IDUA: variants seen among roughly 807,000 people sequenced by gnomAD.
IDUA encodes the protein alpha-L-iduronidase.
A neutral mutation model predicts 68.9 loss-of-function variants in IDUA; 65 were observed. That is an observed-to-expected ratio of 0.94 (90% confidence interval 0.77 to 1.16). The LOEUF is 1.16. IDUA is among the 50% of genes most tolerant of loss of function. IDUA has a pLI of 0.00. For synonymous variants in IDUA, 529 were observed against 433.6 expected (o/e 1.22, Z -2.73); for missense variants, 1,046 against 938.0 (o/e 1.12, Z -1.50).
chr4:992,210 T>C (rs1435653445), intron 2 of IDUA: 1 of 458,568 alleles, frequency 2.2e-6, no homozygotes, highest in Non-Finnish European at 4.4e-6. Context: ...CTGCTCCGTG[T>C]CCACCTCCCT....
At chr4:989,127 G>A (rs770627001) in intron 2 of IDUA, 63 of 1,606,686 alleles carry the variant, frequency 3.9e-5, no homozygotes, top group Non-Finnish European at 2.2e-5. Flanking sequence ...CGGCCGCTGC[G>A]GGCACCAGCG....
rs794726878 is a variant in IDUA at position 987,137 on chromosome 4, T to C, written c.53T>C (p.Leu18Pro). 4 of 1,423,444 alleles carry C rather than the reference T, an allele frequency of 2.8e-6. No homozygotes were observed. The highest frequency in any genetic ancestry group is 2.8e-5 in the Admixed American group (1 of 35,980). 88.2% of individuals were successfully genotyped at this position (1,423,444 alleles called of 1,614,324 possible). A position where few individuals can be genotyped will look rare whatever the true frequency, so the allele number is the denominator to read the frequency against. Residue 18 changes from leucine (L) to proline (P), a missense_variant, in exon 1 of 14, where the codon CTG (leucine) becomes CCG (proline). By Grantham distance (98) the Leu-to-Pro change is moderately conservative (BLOSUM62 -3). Transcript: ENST00000514224. ...CTGCTGGCGCTCCTGGCCTCGCTCCTGGCCGCGCCCCCGGTGGCCCCGGCC... is the reference window on the plus strand; with the variant it reads ...CTGCTGGCGCTCCTGGCCTCGCTCCCGGCCGCGCCCCCGGTGGCCCCGGCC... Reference protein sequence around the residue: ...AALLALLASLLAAPPVAPAEA... With the variant: ...AALLALLASLPAAPPVAPAEA...
chr4:991,322 G>A (rs1714297112), intron 2 of IDUA: 1 of 1,612,754 alleles, frequency 6.2e-7, no homozygotes, highest in Admixed American at 1.7e-5. Context: ...AGGCAAAGCA[G>A]GCTGAAGATG....
Position 1,002,092 on chromosome 4 carries a change from C to T in IDUA, c.903C>T (p.Asp301=), listed in dbSNP as rs759390416. 14 of 1,578,008 alleles carry T rather than the reference C, an allele frequency of 8.9e-6. No individual in the cohort carries two copies. In the East Asian group the frequency reaches 3.2e-4, roughly 36 times the overall value. The change falls in exon 7 of 14, where the codon GAC becomes GAT. Residue 301 remains aspartate (D), a synonymous_variant. Coordinates refer to ENST00000514224, the MANE Select transcript of IDUA (RefSeq NM_000203.5). ...CCCCCATTTACAACGACGAGGCGGA[C>T]CCGCTGGTGGGCTGGTCCCTGCCAC... ...ADTPIYNDEA[D]PLVGWSLPQP...
chr4:1,002,430 C>G lies in IDUA; in HGVS notation c.1134C>G (p.His378Gln). 6.4e-7 allele frequency: 1 copy of G among 1,570,072 alleles called. No homozygotes were observed. Among genetic ancestry groups the G allele is most frequent in the Non-Finnish European group, 8.6e-7 (1 of 1,159,994 alleles). ...RFQVNNTRPPHVQLLRKPVLT... is the reference protein window; with the variant it reads ...RFQVNNTRPPQVQLLRKPVLT... ...AGGTCAACAACACCCGCCCGCCGCA[C>G]GTGCAGCTGTTGCGCAAGCCGGTGC... The change falls in exon 8 of 14, where the codon CAC becomes CAG. Residue 378 changes from histidine to glutamine, a missense_variant. By Grantham distance (24) the His-to-Gln change is conservative. Coordinates refer to ENST00000514224, the MANE Select transcript of IDUA (RefSeq NM_000203.5).
At position 1,002,715 on chromosome 4, in the gene IDUA, C is replaced by T. The variant is rs994233174; in HGVS notation, c.1190-17C>T. 99 of 1,387,494 alleles carry T rather than the reference C, an allele frequency of 7.1e-5. 1 individual carries two copies. Among genetic ancestry groups the T allele is most frequent in the Non-Finnish European group, 9.1e-5 (95 of 1,041,662 alleles). The allele number at this position is 1,387,494 out of a possible 1,614,324, so 85.9% of individuals were successfully genotyped here. A position where few individuals can be genotyped will look rare whatever the true frequency, so the allele number is the denominator to read the frequency against. On this transcript the variant is annotated splice_polypyrimidine_tract_variant and intron_variant, in intron 8 of 13. Coordinates refer to ENST00000514224, the MANE Select transcript of IDUA (RefSeq NM_000203.5). ...GGCAACGACCCCACGCGGCGACGGC[C>T]CCCCCCCGCCCCGCAGATGAGGAGC... is the stretch of plus-strand genomic sequence containing the variant.
At chr4:989,479 T>C in intron 2 of IDUA, 1 of 1,554,546 alleles carries the variant, frequency 6.4e-7, no homozygotes, top group Non-Finnish European at 8.7e-7. Flanking sequence ...CAGCCCGGCC[T>C]CTGTGCTGAC....
intron 2 of IDUA, among the ~76,000 whole-genome samples, chr4:994,052 G>A (rs1056744318): frequency 6.6e-6 from 1 of 152,258 alleles, no homozygotes; most frequent in Non-Finnish European, 1.5e-5. Flanking sequence ...AGGACCGGCA[G>A]TGCCTGCCTC....
At chr4:989,214 C>A in intron 2 of IDUA, 1 of 1,610,126 alleles carries the variant, frequency 6.2e-7, no homozygotes, top group Non-Finnish European at 8.5e-7. Context: ...CTGAGCCCCC[C>A]TCCTTCCTCC....
chr4:1,001,275 TATCACCCAGGCCGCC>T (rs1715056974), intron 4 of IDUA, 178 bp from the exon 5 acceptor site: 7 of 592,678 alleles, frequency 1.2e-5, no homozygotes, highest in East Asian at 2.8e-5. Flanking sequence ...GCCGCACCCC[TATCACCCAGGCCGCC>T]GCCCAGGTCT....
At position 1,003,011 on chromosome 4, in the gene IDUA, G is replaced by C. The variant is rs760698377; in HGVS notation, c.1403-25G>C. On this transcript the variant is annotated intron_variant, in intron 9 of 13. Transcript: ENST00000514224. The stretch of plus-strand genomic sequence containing the variant: ...TCTGGAGGGGGCGGCCCGGGGAGCC[G>C]AGGCCTGAGTGTCAGGCCCCGCAGG... 2.8e-6 allele frequency: 4 copies of C among 1,453,122 alleles called. No homozygotes were observed. In the South Asian group the frequency reaches 5.5e-5, roughly 20 times the overall value. The allele number at this position is 1,453,122 out of a possible 1,614,324, so 90.0% of individuals were successfully genotyped here.
Position 1,003,552 on chromosome 4 carries a change from A to C in IDUA, c.1654A>C (p.Thr552Pro). 4 of 1,611,592 alleles carry C rather than the reference A, an allele frequency of 2.5e-6. No individual in the cohort carries two copies. The highest frequency in any genetic ancestry group is 1.1e-5 in the South Asian group (1 of 91,048). Residue 552 changes from threonine (T) to proline (P), a missense_variant, in exon 12 of 14, where the codon ACG becomes CCG. By Grantham distance (38) the Thr-to-Pro change is conservative (BLOSUM62 -1). Transcript: ENST00000514224. The stretch of plus-strand genomic sequence containing the variant: ...TCACAGCCCTTCCCTCCCCCAGGTC[A>C]CGCGGCTCCGCGCCCTGCCCCTGAC... The part of the protein sequence containing the change: ...ARPEKPPGQV[T>P]RLRALPLTQG...
Position 1,003,890 on chromosome 4 carries a change from G to A in IDUA, c.1728-122G>A, listed in dbSNP as rs975329090. 1.1e-4 allele frequency: 97 copies of A among 910,528 alleles called. No individual in the cohort carries two copies. The Admixed American group carries it at 1.6e-3, about 15-fold the overall frequency. The allele number at this position is 910,528 out of a possible 1,614,324, so 56.4% of individuals were successfully genotyped here. On this transcript the variant is annotated intron_variant, in intron 12 of 13. Transcript: ENST00000514224. ...TGGGCAGGAAGAGTGCCCAGGGGCT[G>A]GGGAGGTGCCGCCGAGGGGCTTGAG...
intron 2 of IDUA, among the ~76,000 whole-genome samples, chr4:999,067 T>A (rs548848665): frequency 5.9e-5 from 9 of 151,750 alleles, no homozygotes; most frequent in Non-Finnish European, 8.8e-5. Flanking sequence ...TAGCCGGGCG[T>A]GGTGGCGGGC....
At position 1,002,414 on chromosome 4, in the gene IDUA, A is replaced by C. The variant is rs140564189; in HGVS notation, c.1118A>C (p.Asn373Thr). 1.1e-4 allele frequency: 177 copies of C among 1,575,720 alleles called. 2 individuals carry two copies. In the African/African-American group the frequency reaches 2.1e-3, roughly 19 times the overall value. The change falls in exon 8 of 14, where the codon AAC becomes ACC. Residue 373 changes from asparagine (N) to threonine (T), a missense_variant. By Grantham distance (65) the Asn-to-Thr change is moderately conservative (BLOSUM62 0). Transcript: ENST00000514224. ...CTCACCGCGCGCTTCCAGGTCAACA[A>C]CACCCGCCCGCCGCACGTGCAGCTG... ...RTLTARFQVNNTRPPHVQLLR... is the reference protein window; with the variant it reads ...RTLTARFQVNTTRPPHVQLLR...
Position 1,004,255 on chromosome 4 carries a change from T to C in IDUA, c.1829-5T>C, listed in dbSNP as rs1715307086. 6.2e-7 allele frequency: 1 copy of C among 1,609,614 alleles called. No individual in the cohort carries two copies. Among genetic ancestry groups the C allele is most frequent in the South Asian group, 1.1e-5 (1 of 91,086 alleles). Reference sequence around the variant, plus strand: ...CGGTTGGCACACATGTCCCCTTGTCTCCAGACACAGGTGCTGTCTCTGGCT... The same window carrying C: ...CGGTTGGCACACATGTCCCCTTGTCCCCAGACACAGGTGCTGTCTCTGGCT... On this transcript the variant is annotated splice_region_variant and splice_polypyrimidine_tract_variant and intron_variant, in intron 13 of 13. Coordinates refer to ENST00000514224, the MANE Select transcript of IDUA (RefSeq NM_000203.5). The surrounding 1 kb of genome is among the most constrained non-coding windows in gnomAD (Gnocchi z 5.0).
At chr4:1,002,608 C>T (rs922809603) in intron 8 of IDUA, 123 bp downstream of exon 8, 18 of 1,171,108 alleles carry the variant, frequency 1.5e-5, no homozygotes, top group Non-Finnish European at 2.0e-5. Flanking sequence ...TCGGCCTCCG[C>T]GTGGCGGGGC....
chr4:987,053 C>T lies in IDUA; in HGVS notation c.-32C>T. The T allele has an allele frequency of 1.3e-6, 2 of 1,517,006 alleles. No individual in the cohort carries two copies. The highest frequency in any genetic ancestry group is 1.2e-5 in the South Asian group (1 of 82,724). The allele number at this position is 1,517,006 out of a possible 1,614,324, so 94.0% of individuals were successfully genotyped here. ...CGGAGGCGGAACCGGCAGTGCAGCC[C>T]GAAGCCCCGCAGTCCCCGAGCACGC... On this transcript the variant is annotated 5_prime_UTR_variant, in exon 1 of 14. Transcript: ENST00000514224.
rs768467230 is a variant in IDUA at position 1,004,345 on chromosome 4, C to G, written c.1914C>G (p.Tyr638Ter). ...RPGPFSDPVP[Y>*]LEVPVPRGPP... is the part of the protein sequence containing the mutation. ...GCCCCTTCTCGGACCCTGTGCCGTA[C>G]CTGGAGGTCCCTGTGCCAAGAGGGC... is the stretch of plus-strand genomic sequence containing the variant. Residue 638 changes from tyrosine to a stop codon, truncating the protein, a stop_gained, in exon 14 of 14, where the codon TAC becomes TAG. Transcript: ENST00000514224. LOFTEE classifies it low-confidence loss of function (END_TRUNC). The surrounding 1 kb of genome is among the most constrained non-coding windows in gnomAD (Gnocchi z 5.0). 1.2e-6 allele frequency: 2 copies of G among 1,611,708 alleles called. No individual in the cohort carries two copies. Among genetic ancestry groups the G allele is most frequent in the African/African-American group, 1.3e-5 (1 of 75,002 alleles).
Sources: gnomAD v4.1 joint callset for allele counts (sites outside exome capture counted in the v4.1 genomes callset) on GRCh38, gnomAD v4.1.1 for gene constraint, Gnocchi (gnomAD v3.1) non-coding constraint, MANE v1.5 for transcripts, NCBI Gene and HGNC (gene_info 2026-07-23, HGNC 2026-07-21) for gene names.